SCAPER: variants seen among roughly 807,000 people sequenced by gnomAD.
SCAPER encodes the protein S phase cyclin A-associated protein in the endoplasmic reticulum.
Under a neutral mutation model 182.2 loss-of-function variants are expected in SCAPER, and 98 were observed. The ratio of observed to expected loss-of-function variants is 0.54; its 90% CI spans 0.46 to 0.64. SCAPER has a LOEUF of 0.64. Among genes scored for constraint, SCAPER ranks in the 30% least tolerant of loss-of-function variants. The pLI, the probability that SCAPER is intolerant of heterozygous loss-of-function variation, is 0.00. For synonymous variants in SCAPER, 605 were observed against 564.6 expected (o/e 1.07, Z -1.01); for missense variants, 1,432 against 1,690.0 (o/e 0.85, Z 2.68).
chr15:76,477,348 G>T (rs2050735543), intron 24 of SCAPER, among the ~76,000 whole-genome samples: 1 of 152,114 alleles, frequency 6.6e-6, no homozygotes, highest in African/African-American at 2.4e-5. Flanking sequence ...GCACTCTCAG[G>T]TTCTATAGTG....
chr15:76,647,234 T>TA (rs2054622385), intron 21 of SCAPER, among the ~76,000 whole-genome samples: 2 of 152,212 alleles, frequency 1.3e-5, no homozygotes, highest in Non-Finnish European at 2.9e-5. Flanking sequence ...AGTGCATTGG[T>TA]AAAAAATTAA....
At chr15:76,682,196 T>C (rs556493778) in intron 20 of SCAPER, among the ~76,000 whole-genome samples, 2 of 152,126 alleles carry the variant, frequency 1.3e-5, no homozygotes, top group South Asian at 2.1e-4. Flanking sequence ...TTTGCCAGCA[T>C]GCAGAAGCCC....
chr15:76,605,932 T>C (rs1335069338), intron 22 of SCAPER, among the ~76,000 whole-genome samples: 1 of 152,238 alleles, frequency 6.6e-6, no homozygotes, highest in Non-Finnish European at 1.5e-5. Flanking sequence ...TTAGTCTTGC[T>C]AGCGGTCTAT....
chr15:76,505,440 G>A (rs531252445), intron 23 of SCAPER, among the ~76,000 whole-genome samples: 1 of 152,128 alleles, frequency 6.6e-6, no homozygotes. Context: ...CAAAAAATCT[G>A]AATAGACATT....
intron 25 of SCAPER, among the ~76,000 whole-genome samples, chr15:76,442,107 G>A (rs1341317563): frequency 6.6e-6 from 1 of 151,848 alleles, no homozygotes; most frequent in Non-Finnish European, 1.5e-5. Context: ...CTGGGCAAAG[G>A]TGTAAAGTGA....
At chr15:76,900,473 G>T (rs1005235669) in intron 1 of SCAPER, among the ~76,000 whole-genome samples, 1 of 151,982 alleles carries the variant, frequency 6.6e-6, no homozygotes, top group Admixed American at 6.6e-5. Flanking sequence ...AAAAAACAGT[G>T]GCCAAGCAGA....
At chr15:76,430,646 G>T (rs1344956231) in intron 26 of SCAPER, among the ~76,000 whole-genome samples, 1 of 152,346 alleles carries the variant, frequency 6.6e-6, no homozygotes, top group East Asian at 1.9e-4. Flanking sequence ...TTTGCCCAAT[G>T]CCTGTACCTC....
chr15:76,539,640 G>C (rs1269976964), intron 23 of SCAPER, among the ~76,000 whole-genome samples: 1 of 151,508 alleles, frequency 6.6e-6, no homozygotes, highest in Non-Finnish European at 1.5e-5. Flanking sequence ...CGCCCCTTGG[G>C]GTTCATGCCA....
chr15:76,445,217 A>G (rs1231557830), intron 25 of SCAPER, among the ~76,000 whole-genome samples: 1 of 152,138 alleles, frequency 6.6e-6, no homozygotes, highest in Non-Finnish European at 1.5e-5. Context: ...AAGTGAGAAA[A>G]TATATCTTCT....
chr15:76,441,729 C>T lies in SCAPER; in HGVS notation c.3079-7419G>A, dbSNP rs1214176921. ...GAGTGTCTTATTTAAAGTAATATTTCTCTCCCCAAACCTATCTTCCCTTTC... is the reference window on the plus strand; with the variant it reads ...GAGTGTCTTATTTAAAGTAATATTTTTCTCCCCAAACCTATCTTCCCTTTC... On this transcript the variant is annotated intron_variant, in intron 25 of 31. Transcript: ENST00000563290. Among the ~76,000 whole-genome samples the T allele has an allele frequency of 2.0e-5, 3 of 152,128 alleles. 1 individual carries two copies. The highest frequency in any genetic ancestry group is 4.4e-5 in the Non-Finnish European group (3 of 68,032).
chr15:76,576,323 C>G (rs2459360), intron 22 of SCAPER, among the ~76,000 whole-genome samples: 6 of 152,030 alleles, frequency 3.9e-5, no homozygotes, highest in Admixed American at 3.9e-4. Context: ...TACAACACTG[C>G]GCTTCAGCCC....
chr15:76,380,355 T>C (rs2042869912), intron 28 of SCAPER: 1 of 152,162 alleles, frequency 6.6e-6, no homozygotes, highest in East Asian at 1.9e-4. Context: ...ATTTCTGTTC[T>C]TGTGACAGAT....
chr15:76,904,575 C>T (rs1019047077), intron 1 of SCAPER: 1 of 152,236 alleles, frequency 6.6e-6, no homozygotes, highest in African/African-American at 2.4e-5. Flanking sequence ...TGCTTTCTAA[C>T]AATCCCGTTC....
At chr15:76,779,645 T>A (rs1162305336) in intron 8 of SCAPER, among the ~76,000 whole-genome samples, 1 of 151,982 alleles carries the variant, frequency 6.6e-6, no homozygotes, top group African/African-American at 2.4e-5. Context: ...CTATGCAAGC[T>A]ATTCCATAAA....
chr15:76,769,750 T>C (rs2063343492), intron 10 of SCAPER, among the ~76,000 whole-genome samples: 2 of 152,152 alleles, frequency 1.3e-5, no homozygotes, highest in Admixed American at 6.5e-5. Context: ...TGTGGAAGAC[T>C]TGGTGGGAGT....
intron 25 of SCAPER, among the ~76,000 whole-genome samples, chr15:76,452,496 G>A (rs1165284219): frequency 2.0e-5 from 3 of 152,192 alleles, no homozygotes; most frequent in Non-Finnish European, 4.4e-5. Flanking sequence ...GTATGAGTTA[G>A]GTGTTTTAGA....
At chr15:76,842,952 T>C (rs2069623344) in intron 4 of SCAPER, among the ~76,000 whole-genome samples, 1 of 152,228 alleles carries the variant, frequency 6.6e-6, no homozygotes, top group African/African-American at 2.4e-5. Context: ...TAAAATTAAC[T>C]TAGGAAGTTT....
At chr15:76,575,717 C>T (rs191315623) in intron 22 of SCAPER, among the ~76,000 whole-genome samples, 79 of 152,312 alleles carry the variant, frequency 5.2e-4, no homozygotes, top group African/African-American at 1.8e-3. Flanking sequence ...CAGCTCTTAG[C>T]ACAAACATTA....
chr15:76,521,396 A>AG (rs1282608174), intron 23 of SCAPER, among the ~76,000 whole-genome samples: 5 of 151,092 alleles, frequency 3.3e-5, no homozygotes, highest in African/African-American at 1.2e-4. Context: ...GGTCAGAAAA[A>AG]AAAACCCCAA....
Sources: gnomAD v4.1 joint callset for allele counts (sites outside exome capture counted in the v4.1 genomes callset) on GRCh38, gnomAD v4.1.1 for gene constraint, MANE v1.5 for transcripts, NCBI Gene and HGNC (gene_info 2026-07-23, HGNC 2026-07-21) for gene names.